PADI6: variants seen among roughly 807,000 people sequenced by gnomAD.
PADI6 encodes the protein peptidyl arginine deiminase 6, also known as inactive protein-arginine deiminase type-6.
Under a neutral mutation model 78.2 loss-of-function variants are expected in PADI6, and 66 were observed. The observed-to-expected ratio is 0.84, with a 90% confidence interval of 0.69 to 1.04. The LOEUF (loss-of-function observed/expected upper bound fraction) is 1.04, where lower values mean the gene tolerates loss of function less well. Among genes scored for constraint, PADI6 ranks in the 50% least tolerant of loss-of-function variants. The pLI is 0.00. For missense variants in PADI6, 854 were observed against 866.1 expected (o/e 0.99, Z 0.18); for synonymous variants, 397 against 346.9 (o/e 1.14, Z -1.60).
Position 17,395,521 on chromosome 1 carries a change from C to T in PADI6, c.1495-19C>T, listed in dbSNP as rs1483276165. 2 of 1,549,404 alleles carry T rather than the reference C, an allele frequency of 1.3e-6. No individual in the cohort carries two copies. The highest frequency in any genetic ancestry group is 3.9e-5 in the Admixed American group (2 of 50,938). ...TCCAGCTGAGAAAGCTGGCTTCTGA[C>T]CCAAGTTCTGTTTCCCAGGGCTTCC... On this transcript the variant is annotated intron_variant, in intron 12 of 15. Coordinates refer to ENST00000619609, the MANE Select transcript of PADI6 (RefSeq NM_207421.4).
At chr1:17,400,161 C>T (rs2075286828) in intron 15 of PADI6, among the ~76,000 whole-genome samples, 1 of 150,652 alleles carries the variant, frequency 6.6e-6, no homozygotes, top group African/African-American at 2.4e-5. Context: ...TGAGCCACTG[C>T]ACTCTAGCCT....
At chr1:17,394,131 C>CT (rs764265777) in intron 10 of PADI6, 49 bp downstream of exon 10, 2 of 1,584,320 alleles carry the variant, frequency 1.3e-6, no homozygotes, top group Non-Finnish European at 1.7e-6. Context: ...TCTCTCAGGC[C>CT]TGGGGCCTGC....
chr1:17,375,583 AAG>A, intron 3 of PADI6, 84 bp downstream of exon 3: 2 of 1,251,160 alleles, frequency 1.6e-6, no homozygotes, highest in Non-Finnish European at 2.2e-6. Flanking sequence ...GGAGCCAAAA[AAG>A]ATTCTCCAGG....
rs370944693 is a variant in PADI6, at chr1:17,387,781, G to C, written c.680-600G>C. Among the ~76,000 whole-genome samples the C allele has an allele frequency of 1.5e-4, 23 of 152,200 alleles. 1 individual carries two copies. In the South Asian group the frequency reaches 2.9e-3, roughly 19 times the overall value. ...CACCTTTAGGATCTAATTAGCAAACGGACAACCACCACGTGTGGTCAACTT... is the reference window on the plus strand; with the variant it reads ...CACCTTTAGGATCTAATTAGCAAACCGACAACCACCACGTGTGGTCAACTT... On this transcript the variant is annotated intron_variant, in intron 6 of 15. Coordinates refer to ENST00000619609, the MANE Select transcript of PADI6 (RefSeq NM_207421.4).
Position 17,401,551 on chromosome 1 carries a change from C to T in PADI6, c.*113C>T. ...GGCTGGAGAGTCCAGGCAACAGAAC[C>T]CTTTCTTCCCTGTCTGCCCCGACCG... is the stretch of plus-strand genomic sequence containing the variant. On this transcript the variant is annotated 3_prime_UTR_variant, in exon 16 of 16. Transcript: ENST00000619609. 8 of 989,844 alleles carry T rather than the reference C, an allele frequency of 8.1e-6. No homozygotes were observed. The highest frequency in any genetic ancestry group is 1.2e-5 in the Non-Finnish European group (8 of 676,310). The allele number at this position is 989,844 out of a possible 1,614,324, so 61.3% of individuals were successfully genotyped here. A position where few individuals can be genotyped will look rare whatever the true frequency, so the allele number is the denominator to read the frequency against.
rs1281352163 is a variant in PADI6, at chr1:17,392,224, A to G, written c.1073A>G (p.Gln358Arg). 1.3e-6 allele frequency: 2 copies of G among 1,552,294 alleles called. No homozygotes were observed. The highest frequency in any genetic ancestry group is 2.0e-5 in the Admixed American group (1 of 51,134). The change falls in exon 9 of 16, where the codon CAG becomes CGG. Residue 358 changes from glutamine to arginine, a missense_variant and splice_region_variant. Transcript: ENST00000619609. ...CCCAACCGCCTGGGCAGGTGGCTCCAGGTAACACCCCACCTGGGAACCCAC... is the reference window on the plus strand; with the variant it reads ...CCCAACCGCCTGGGCAGGTGGCTCCGGGTAACACCCCACCTGGGAACCCAC... ...EDPNRLGRWL[Q>R]DEMAFCYTQA... is the part of the protein sequence containing the mutation.
chr1:17,392,112 AG>A lies in PADI6; in HGVS notation c.964del. The A allele has an allele frequency of 6.4e-7, 1 of 1,554,412 alleles. No individual in the cohort carries two copies. Among genetic ancestry groups the A allele is most frequent in the Non-Finnish European group, 8.7e-7 (1 of 1,148,632 alleles). ...CCAGAACTGGCTTCTCTCCCATGGC[AG>A]GGAGCTGCAGCTGCAGGGTTTTGTG... On this transcript the variant is annotated splice_acceptor_variant, in intron 8 of 15. Transcript: ENST00000619609. LOFTEE classifies it high-confidence loss of function.
chr1:17,379,138 G>A (rs1371794621), intron 3 of PADI6, among the ~76,000 whole-genome samples: 3 of 91,086 alleles, frequency 3.3e-5, no homozygotes, highest in South Asian at 2.9e-4. Context: ...TTTTTAAGAC[G>A]GAGTCTCGCT....
Position 17,398,740 on chromosome 1 carries a change from C to G in PADI6, c.1744C>G (p.Gln582Glu). The G allele has an allele frequency of 6.2e-7, 1 of 1,600,430 alleles. No homozygotes were observed. Among genetic ancestry groups the G allele is most frequent in the Non-Finnish European group, 8.5e-7 (1 of 1,174,336 alleles). ...GAAGACGGAGCTGGGCCTGGTGGAA[C>G]AGGACATCATCGAGATTCCCCAGCT... ...ILKTELGLVE[Q>E]DIIEIPQLFC... The change falls in exon 15 of 16, where the codon CAG (glutamine) becomes GAG (glutamate). Residue 582 changes from glutamine to glutamate, a missense_variant. Gln to Glu is a conservative substitution (Grantham distance 29). Coordinates refer to ENST00000619609, the MANE Select transcript of PADI6 (RefSeq NM_207421.4).
intron 13 of PADI6, among the ~76,000 whole-genome samples, chr1:17,396,041 G>A (rs2075243514): frequency 1.3e-5 from 2 of 152,164 alleles, no homozygotes; most frequent in Admixed American, 1.3e-4. Flanking sequence ...AAACACACAG[G>A]TGGACAAGCA....
chr1:17,393,962 C>T lies in PADI6; in HGVS notation c.1075-13C>T, dbSNP rs775320795. ...TGTGACTGGCAAACAATCTGTCTTC[C>T]TCTCCATTCCAGGATGAGATGGCCT... On this transcript the variant is annotated splice_polypyrimidine_tract_variant and intron_variant, in intron 9 of 15. Coordinates refer to ENST00000619609, the MANE Select transcript of PADI6 (RefSeq NM_207421.4). 6.2e-6 allele frequency: 10 copies of T among 1,608,898 alleles called. No individual in the cohort carries two copies. The African/African-American group carries it at 1.2e-4, about 19-fold the overall frequency.
At chr1:17,374,625 G>T (rs768869351) in intron 2 of PADI6, among the ~76,000 whole-genome samples, 6 of 150,720 alleles carry the variant, frequency 4.0e-5, no homozygotes, top group African/African-American at 1.5e-4. Flanking sequence ...AAACTCCATC[G>T]CAAAAAAAGG....
chr1:17,385,629 G>C (rs2075112251), intron 6 of PADI6, among the ~76,000 whole-genome samples: 1 of 152,218 alleles, frequency 6.6e-6, no homozygotes, highest in Non-Finnish European at 1.5e-5. Context: ...GTCGAAGAGA[G>C]ATCAAAATGT....
At chr1:17,391,631 G>A (rs1046306218) in intron 8 of PADI6, among the ~76,000 whole-genome samples, 4 of 152,134 alleles carry the variant, frequency 2.6e-5, no homozygotes, top group South Asian at 4.1e-4. Flanking sequence ...AAGACCCCAG[G>A]GCTCAAGACC....
In PADI6 at chr1:17,392,142, A is replaced by G. The variant is rs371891091; in HGVS notation, c.991A>G (p.Thr331Ala). Residue 331 changes from threonine to alanine, a missense_variant, in exon 9 of 16, where the codon ACA becomes GCA. Transcript: ENST00000619609. ...RELQLQGFVD[T>A]VTKLSEKSNS... ...GCTGCAGCTGCAGGGTTTTGTGGACACAGTGACGAAGCTGAGTGAGAAGAG... is the reference window on the plus strand; with the variant it reads ...GCTGCAGCTGCAGGGTTTTGTGGACGCAGTGACGAAGCTGAGTGAGAAGAG... 1.8e-5 allele frequency: 28 copies of G among 1,560,244 alleles called. No homozygotes were observed. The highest frequency in any genetic ancestry group is 2.4e-5 in the Non-Finnish European group (28 of 1,152,078).
At chr1:17,395,396 A>G in intron 12 of PADI6, 144 bp from the exon 13 acceptor site, 1 of 1,104,324 alleles carries the variant, frequency 9.1e-7, no homozygotes, top group Non-Finnish European at 1.3e-6. Flanking sequence ...TAGAGATGGA[A>G]TTTCACCATG....
At chr1:17,378,965 G>T (rs80146288) in intron 3 of PADI6, among the ~76,000 whole-genome samples, 7 of 148,600 alleles carry the variant, frequency 4.7e-5, no homozygotes, top group Admixed American at 2.0e-4. Flanking sequence ...TGGGGGGGGG[G>T]ACAGAATCTT....
In PADI6 at chr1:17,401,135, G is replaced by C. The variant is rs369659297; in HGVS notation, c.1852-70G>C. 1.6e-5 allele frequency: 23 copies of C among 1,448,022 alleles called. No homozygotes were observed. In the African/African-American group the frequency reaches 3.2e-4, roughly 20 times the overall value. 89.7% of individuals were successfully genotyped at this position (1,448,022 alleles called of 1,614,324 possible). On this transcript the variant is annotated intron_variant, in intron 15 of 15. Transcript: ENST00000619609. ...GCTACGCCTGGTCTGACCGCAGAGAGGCAGGTGGGCGGCTGGCTTTCAGGC... is the reference window on the plus strand; with the variant it reads ...GCTACGCCTGGTCTGACCGCAGAGACGCAGGTGGGCGGCTGGCTTTCAGGC...
At chr1:17,397,009 C>A in intron 13 of PADI6, 62 bp from the exon 14 acceptor site, 1 of 1,550,252 alleles carries the variant, frequency 6.5e-7, no homozygotes, top group East Asian at 2.3e-5. Flanking sequence ...CCGAGTGTGC[C>A]CAGCTCTGGG....
Sources: allele counts gnomAD v4.1 joint callset (sites outside exome capture counted in the v4.1 genomes callset), GRCh38; gene constraint gnomAD v4.1.1; transcripts MANE v1.5; gene names NCBI Gene and HGNC (gene_info 2026-07-23, HGNC 2026-07-21).